Variants in OS9 observed in about 807,000 individuals in gnomAD.
OS9 encodes the protein protein OS-9.
A neutral mutation model predicts 84.7 loss-of-function variants in OS9; 58 were observed. The ratio of observed to expected loss-of-function variants is 0.68; its 90% CI spans 0.55 to 0.85. OS9 has a LOEUF of 0.85. Among genes scored for constraint, OS9 ranks in the 40% least tolerant of loss-of-function variants. OS9 has a pLI of 0.00. For synonymous variants in OS9, 278 were observed against 320.8 expected, an observed-to-expected ratio of 0.87 and a Z score of 1.43; for missense variants, 760 against 850.9, an observed-to-expected ratio of 0.89 and a Z score of 1.33.
At chr12:57,700,647 G>A (rs1294688880) in intron 5 of OS9, among the ~76,000 whole-genome samples, 1 of 152,028 alleles carries the variant, frequency 6.6e-6, no homozygotes, top group Non-Finnish European at 1.5e-5. Flanking sequence ...TTAGCTATAT[G>A]GAATTAAATA....
At chr12:57,694,402 G>C in intron 1 of OS9, 79 bp downstream of exon 1, 2 of 1,453,474 alleles carry the variant, frequency 1.4e-6, no homozygotes, top group African/African-American at 1.4e-5. Context: ...CAGCTCCGGA[G>C]TCTGGGGCTG....
At chr12:57,703,140 C>T (rs1595040554) in intron 5 of OS9, among the ~76,000 whole-genome samples, 1 of 152,170 alleles carries the variant, frequency 6.6e-6, no homozygotes, top group Non-Finnish European at 1.5e-5. Context: ...ACTGCAACCT[C>T]CGCCTCCCAG....
chr12:57,716,175 G>A lies in OS9; in HGVS notation c.874G>A (p.Ala292Thr). ...QVWSETKSGV[A>T]PQKMAGASPT... is the part of the protein sequence containing the mutation. ...GTGGAGTGAGACCAAGTCTGGGGTG[G>A]CACCCCAAAAGATGGCAGGTAGGAC... Residue 292 changes from alanine (A) to threonine (T), a missense_variant, in exon 7 of 15, where the codon GCA becomes ACA. Transcript: ENST00000315970. 2 of 1,607,990 alleles carry A rather than the reference G, an allele frequency of 1.2e-6. No individual in the cohort carries two copies. The highest frequency in any genetic ancestry group is 2.2e-5 in the South Asian group (2 of 90,922).
At chr12:57,714,934 G>A (rs1329990646) in intron 5 of OS9, among the ~76,000 whole-genome samples, 1 of 152,126 alleles carries the variant, frequency 6.6e-6, no homozygotes, top group Admixed American at 6.6e-5. Context: ...AATATTGCAT[G>A]CTTAATTTAT....
At position 57,715,969 on chromosome 12, in the gene OS9, C is replaced by T. The variant is rs563206099; in HGVS notation, c.789C>T (p.Ala263=). The change falls in exon 6 of 15, where the codon GCC becomes GCT. Residue 263 remains alanine (A), a splice_region_variant and synonymous_variant. Transcript: ENST00000315970. ...EEYMAYVQRQ[A]DSKQYGDKII... is the part of the protein sequence containing the mutation. ...ACATGGCCTACGTTCAGAGGCAAGCCGGTGAGTAATTAGAGAAGGAGGAGA... is the reference window on the plus strand; with the variant it reads ...ACATGGCCTACGTTCAGAGGCAAGCTGGTGAGTAATTAGAGAAGGAGGAGA... The T allele has an allele frequency of 1.4e-5, 23 of 1,610,896 alleles. No individual in the cohort carries two copies. The African/African-American group carries it at 2.1e-4, about 15-fold the overall frequency.
At chr12:57,697,939 A>T (rs1241154230) in intron 5 of OS9, among the ~76,000 whole-genome samples, 1 of 146,830 alleles carries the variant, frequency 6.8e-6, no homozygotes, top group Admixed American at 6.7e-5. Flanking sequence ...ACACACACAC[A>T]CACACACACA....
rs1220532031 is a variant in OS9, at chr12:57,718,409, C to T, written c.1398C>T (p.Asn466=). The T allele has an allele frequency of 1.9e-6, 3 of 1,613,194 alleles. No homozygotes were observed. In the Admixed American group the frequency reaches 5.0e-5, roughly 27 times the overall value. Reference sequence around the variant, plus strand: ...CTGGCATGGAGCGGGAACTGGAAAACATCATCCAGGAGGCAAGCCCAGCTC... The same window carrying T: ...CTGGCATGGAGCGGGAACTGGAAAATATCATCCAGGAGGCAAGCCCAGCTC... ...VKAGMERELE[N]IIQETEKELD... The change falls in exon 11 of 15, where the codon AAC becomes AAT. Residue 466 remains asparagine, a synonymous_variant. Transcript: ENST00000315970.
At chr12:57,714,772 A>T (rs1278989959) in intron 5 of OS9, among the ~76,000 whole-genome samples, 1 of 151,720 alleles carries the variant, frequency 6.6e-6, no homozygotes, top group Admixed American at 6.6e-5. Context: ...ATTTTTAAAA[A>T]TTTTTTGTGG....
chr12:57,702,202 A>G (rs138459831), intron 5 of OS9, among the ~76,000 whole-genome samples: 2 of 152,310 alleles, frequency 1.3e-5, no homozygotes, highest in East Asian at 3.9e-4. Context: ...CACCATCACT[A>G]CTATTTCCAA....
intron 5 of OS9, among the ~76,000 whole-genome samples, chr12:57,709,683 G>A (rs1349791163): frequency 6.6e-6 from 1 of 152,154 alleles, no homozygotes; most frequent in Admixed American, 6.6e-5. Flanking sequence ...TATTCCCACT[G>A]TGATGGTGGA....
At chr12:57,716,879 T>C in intron 9 of OS9, 135 bp downstream of exon 9, 1 of 727,280 alleles carries the variant, frequency 1.4e-6, no homozygotes, top group Non-Finnish European at 2.4e-6. Flanking sequence ...TAGGAGTTAA[T>C]ACTCTTTGTA....
intron 5 of OS9, among the ~76,000 whole-genome samples, chr12:57,705,129 C>T (rs140751983): frequency 5.7e-4 from 87 of 152,254 alleles, no homozygotes; most frequent in African/African-American, 1.9e-3. Context: ...GTCATTACCA[C>T]GTTGTTTTAA....
intron 5 of OS9, among the ~76,000 whole-genome samples, chr12:57,700,275 G>A (rs1191393398): frequency 6.6e-6 from 1 of 152,082 alleles, no homozygotes; most frequent in African/African-American, 2.4e-5. Flanking sequence ...GAAGACTTGG[G>A]TGAATGTTAG....
intron 5 of OS9, among the ~76,000 whole-genome samples, chr12:57,699,028 G>T (rs552082801): frequency 2.2e-4 from 33 of 152,326 alleles, no homozygotes; most frequent in African/African-American, 7.7e-4. Flanking sequence ...TGGGGATGAA[G>T]AAATGTGAAT....
chr12:57,710,197 T>C (rs1427639714), intron 5 of OS9, among the ~76,000 whole-genome samples: 1 of 152,216 alleles, frequency 6.6e-6, no homozygotes, highest in Non-Finnish European at 1.5e-5. Flanking sequence ...GAAGTAGTTT[T>C]AGGAATATTC....
rs34817746 is a variant in OS9, at chr12:57,711,338, C to CTT, written c.580-4397_580-4396dup. Among the ~76,000 whole-genome samples, 12 of 63,540 alleles carry CTT rather than the reference C, an allele frequency of 1.9e-4. No homozygotes were observed. In the South Asian group the frequency reaches 3.1e-3, roughly 16 times the overall value. 41.7% of individuals were successfully genotyped at this position (63,540 alleles called of 152,430 possible). On this transcript the variant is annotated intron_variant, in intron 5 of 14. Coordinates refer to ENST00000315970, the MANE Select transcript of OS9 (RefSeq NM_006812.4). ...GAGAGATCTTTCAATGGCAGTATAT[C>CTT]TTTTTTTTTTTTTTTTTTTTTTTTT...
At chr12:57,701,330 C>T (rs1255253277) in intron 5 of OS9, among the ~76,000 whole-genome samples, 2 of 129,728 alleles carry the variant, frequency 1.5e-5, no homozygotes, top group African/African-American at 3.0e-5. Context: ...GGCTGGAATA[C>T]AGTAGTGCAA....
chr12:57,715,417 T>C (rs1300878036), intron 5 of OS9, among the ~76,000 whole-genome samples: 3 of 152,080 alleles, frequency 2.0e-5, no homozygotes, highest in East Asian at 1.9e-4. Flanking sequence ...AGTATATATA[T>C]ACACACACAC....
Position 57,717,944 on chromosome 12 carries a change from G to C in OS9, c.1120G>C (p.Gly374Arg). ...DLIRFIEELK[G>R]GTKKGKPNIG... Reference sequence around the variant, plus strand: ...GATTCGATTCATAGAGGAGCTGAAAGGTGGAACAAAAAAGGTATAGGCCGT... The same window carrying C: ...GATTCGATTCATAGAGGAGCTGAAACGTGGAACAAAAAAGGTATAGGCCGT... Residue 374 changes from glycine (G) to arginine (R), a missense_variant, in exon 10 of 15, where the codon GGT becomes CGT. Transcript: ENST00000315970. 2 of 1,612,332 alleles carry C rather than the reference G, an allele frequency of 1.2e-6. No individual in the cohort carries two copies. The highest frequency in any genetic ancestry group is 1.7e-6 in the Non-Finnish European group (2 of 1,179,340).
Sources: allele counts gnomAD v4.1 joint callset (sites outside exome capture counted in the v4.1 genomes callset), GRCh38; gene constraint gnomAD v4.1.1; transcripts MANE v1.5; gene names NCBI Gene and HGNC (gene_info 2026-07-23, HGNC 2026-07-21).